MACROD1: variants seen among roughly 807,000 people sequenced by gnomAD.
The protein encoded by MACROD1 is mono-ADP ribosylhydrolase 1.
Under a neutral mutation model 41.4 loss-of-function variants are expected in MACROD1, and 31 were observed. The observed-to-expected ratio is 0.75, with a 90% CI of 0.56 to 1.01. The LOEUF is 1.01. MACROD1 is among the 50% of genes least tolerant of loss of function. The pLI is 0.00. For synonymous variants in MACROD1, 252 were observed against 203.4 expected, an observed-to-expected ratio of 1.24 and a Z score of -2.03; for missense variants, 473 against 460.0, an observed-to-expected ratio of 1.03 and a Z score of -0.26.
chr11:64,154,070 C>A (rs1945627337), intron 1 of MACROD1, among the ~76,000 whole-genome samples: 1 of 152,192 alleles, frequency 6.6e-6, no homozygotes, highest in Non-Finnish European at 1.5e-5. Context: ...GCCCCTCCTG[C>A]CTTCCCTGTG....
In MACROD1 at chr11:64,067,211, G is replaced by A. The variant is rs776550841; in HGVS notation, c.518-51930C>T. 6.6e-6 allele frequency among the ~76,000 whole-genome samples: 1 copy of A among 152,144 alleles called. No homozygotes were observed. The highest frequency in any genetic ancestry group is 1.5e-5 in the Non-Finnish European group (1 of 68,024). On this transcript the variant is annotated intron_variant, in intron 3 of 10. Transcript: ENST00000255681. This position sits in a 1 kb window ranked among gnomAD's most constrained non-coding sequence, Gnocchi z 4.6. ...TGCGGCTCCAAGGAGATGGCAGATG[G>A]GAGGGGTGGGGAGAGGCCTTGCATG... is the stretch of plus-strand genomic sequence containing the variant.
intron 4 of MACROD1, among the ~76,000 whole-genome samples, chr11:64,007,169 A>G (rs1177265689): frequency 6.6e-6 from 1 of 152,066 alleles, no homozygotes; most frequent in African/African-American, 2.4e-5. Context: ...TCCAAACTCT[A>G]CCATTCAAAA....
At chr11:64,029,831 C>T (rs937874358) in intron 3 of MACROD1, among the ~76,000 whole-genome samples, 6 of 152,154 alleles carry the variant, frequency 3.9e-5, no homozygotes, top group African/African-American at 4.8e-5. Context: ...TCTAAATCAC[C>T]GCAAAAAGCA....
chr11:64,018,774 A>C (rs1224490747), intron 3 of MACROD1, among the ~76,000 whole-genome samples: 3 of 152,174 alleles, frequency 2.0e-5, no homozygotes, highest in Admixed American at 6.5e-5. Context: ...CTCACAGAGT[A>C]CCCGGGGACT....
chr11:64,003,151 G>A (rs1357930403), intron 4 of MACROD1, among the ~76,000 whole-genome samples: 2 of 152,120 alleles, frequency 1.3e-5, no homozygotes, highest in African/African-American at 2.4e-5. Flanking sequence ...TGGCCCCTAA[G>A]GCCCCTCTGC....
At chr11:64,119,565 G>T (rs1945060781) in intron 3 of MACROD1, among the ~76,000 whole-genome samples, 1 of 151,850 alleles carries the variant, frequency 6.6e-6, no homozygotes, top group African/African-American at 2.4e-5. Context: ...TTCCATGGCT[G>T]CTCAAACAAA....
At chr11:64,165,358 T>C (rs1208037125) in intron 1 of MACROD1, among the ~76,000 whole-genome samples, 1 of 152,332 alleles carries the variant, frequency 6.6e-6, no homozygotes, top group East Asian at 1.9e-4. Flanking sequence ...CGGCCTCAGT[T>C]TCCCTCCTGC....
intron 3 of MACROD1, among the ~76,000 whole-genome samples, chr11:64,039,817 C>T (rs1256822618): frequency 6.6e-6 from 1 of 152,184 alleles, no homozygotes; most frequent in African/African-American, 2.4e-5. Flanking sequence ...AGGTTGTTTG[C>T]TGGATTCCTG....
intron 3 of MACROD1, among the ~76,000 whole-genome samples, chr11:64,113,541 C>CATGG (rs1203382448): frequency 5.6e-5 from 7 of 125,868 alleles, no homozygotes; most frequent in South Asian, 2.6e-4. Context: ...CAGGTGGATG[C>CATGG]ATGGATGGAT....
intron 3 of MACROD1, among the ~76,000 whole-genome samples, chr11:64,039,136 G>A (rs1943437307): frequency 6.6e-6 from 1 of 152,182 alleles, no homozygotes; most frequent in Admixed American, 6.5e-5. Context: ...AGGGGCAGTG[G>A]GAAATGCCCC....
At chr11:64,094,986 T>G (rs555561740) in intron 3 of MACROD1, among the ~76,000 whole-genome samples, 1 of 152,342 alleles carries the variant, frequency 6.6e-6, no homozygotes, top group Non-Finnish European at 1.5e-5. Flanking sequence ...TCGTTAGCTG[T>G]GGCTTCAAAG....
Position 64,053,557 on chromosome 11 carries a change from C to CA in MACROD1, c.518-38277dup, listed in dbSNP as rs954026836. On this transcript the variant is annotated intron_variant, in intron 3 of 10. Coordinates refer to ENST00000255681, the MANE Select transcript of MACROD1 (RefSeq NM_014067.4). Reference sequence around the variant, plus strand: ...GAGGCTGTAGGGACAACCCTGGACTCAGACACCACAGCACACAAGGGCCAG... The same window carrying CA: ...GAGGCTGTAGGGACAACCCTGGACTCAAGACACCACAGCACACAAGGGCCAG... Among the ~76,000 whole-genome samples, 43 of 152,212 alleles carry CA rather than the reference C, an allele frequency of 2.8e-4. 1 individual carries two copies. Among genetic ancestry groups the CA allele is most frequent in the African/African-American group, 8.7e-4 (36 of 41,526 alleles).
chr11:64,058,708 G>A (rs986479453), intron 3 of MACROD1, among the ~76,000 whole-genome samples: 5 of 152,254 alleles, frequency 3.3e-5, no homozygotes, highest in Non-Finnish European at 7.3e-5. Context: ...CCTGCTCCCT[G>A]GCCAGCGATG....
At position 64,141,975 on chromosome 11, in the gene MACROD1, C is replaced by A. The variant is rs574681110; in HGVS notation, c.517+9264G>T. Among the ~76,000 whole-genome samples, 75 of 152,316 alleles carry A rather than the reference C, an allele frequency of 4.9e-4. 1 individual carries two copies. The highest frequency in any genetic ancestry group is 1.6e-3 in the African/African-American group (67 of 41,556). On this transcript the variant is annotated intron_variant, in intron 3 of 10. Transcript: ENST00000255681. ...TCCTCCCCTGTCCTCCTCTACAGGA[C>A]GCCAAATGCCAGGAGGGCAGGCACT...
At chr11:64,048,783 C>T (rs956437121) in intron 3 of MACROD1, among the ~76,000 whole-genome samples, 1 of 152,220 alleles carries the variant, frequency 6.6e-6, no homozygotes, top group Non-Finnish European at 1.5e-5. Flanking sequence ...CTGGATCCCA[C>T]TCCAGAACCC....
At chr11:64,139,519 G>A (rs1945379724) in intron 3 of MACROD1, among the ~76,000 whole-genome samples, 1 of 152,190 alleles carries the variant, frequency 6.6e-6, no homozygotes, top group South Asian at 2.1e-4. Context: ...GCCCTCGAGG[G>A]GCTCGGAGTC....
intron 3 of MACROD1, among the ~76,000 whole-genome samples, chr11:64,056,430 AGGGGAGGAGGGT>A (rs1032267502): frequency 5.3e-5 from 8 of 152,030 alleles, no homozygotes; most frequent in South Asian, 2.1e-4. Context: ...AGGCTGCCTG[AGGGGAGGAGGGT>A]GGGGAGGAAG....
chr11:64,000,470 C>A (rs534014838), intron 4 of MACROD1, 127 bp from the exon 5 acceptor site: 1 of 546,250 alleles, frequency 1.8e-6, no homozygotes, highest in Non-Finnish European at 3.0e-6. Context: ...AACCCCGTGG[C>A]CTCCGGCCGC....
At chr11:64,155,925 A>G (rs758528666) in intron 1 of MACROD1, among the ~76,000 whole-genome samples, 31 of 152,068 alleles carry the variant, frequency 2.0e-4, no homozygotes, top group Non-Finnish European at 1.0e-4. Flanking sequence ...CCTGGCCAAC[A>G]TGGTGAAACC....
Sources: allele counts gnomAD v4.1 joint callset (sites outside exome capture counted in the v4.1 genomes callset), GRCh38; gene constraint gnomAD v4.1.1; non-coding constraint Gnocchi (gnomAD v3.1); transcripts MANE v1.5; gene names NCBI Gene and HGNC (gene_info 2026-07-23, HGNC 2026-07-21).